The following SRRM4 variants were observed in gnomAD, a reference collection of about 807,000 sequenced individuals.
SRRM4 encodes the protein serine/arginine repetitive matrix 4.
SRRM4 carries 33 observed loss-of-function variants against 68.9 expected under a neutral mutation model. That is an observed-to-expected ratio of 0.48 (90% confidence interval 0.36 to 0.64). SRRM4 has a LOEUF of 0.64. SRRM4 is among the 30% of genes least tolerant of loss of function. SRRM4 has a pLI of 0.00. For missense variants in SRRM4, 817 were observed against 827.1 expected (o/e 0.99, Z 0.15); for synonymous variants, 318 against 318.8 (o/e 1.00, Z 0.03).
intron 9 of SRRM4, among the ~76,000 whole-genome samples, chr12:119,146,200 C>T (rs1954400441): frequency 6.6e-6 from 1 of 152,144 alleles, no homozygotes; most frequent in Non-Finnish European, 1.5e-5. Context: ...TCCCACACTC[C>T]TCTACAGGAA....
intron 4 of SRRM4, among the ~76,000 whole-genome samples, chr12:119,119,068 GTC>G (rs1954201350): frequency 5.1e-5 from 3 of 58,258 alleles, no homozygotes; most frequent in Admixed American, 3.4e-4. Context: ...TTTTTTTTTT[GTC>G]TCTCCTCAGT....
chr12:119,028,985 G>A (rs1953568769), intron 1 of SRRM4, among the ~76,000 whole-genome samples: 1 of 152,206 alleles, frequency 6.6e-6, no homozygotes. Context: ...AAAGGAGCAG[G>A]AAAATAGCAG....
At position 119,145,700 on chromosome 12, in the gene SRRM4, CAG is replaced by C; in HGVS notation, c.1076+16_1076+17del. 6.7e-7 allele frequency: 1 copy of C among 1,501,498 alleles called. No individual in the cohort carries two copies. The allele number at this position is 1,501,498 out of a possible 1,614,324, so 93.0% of individuals were successfully genotyped here. A position where few individuals can be genotyped will look rare whatever the true frequency, so the allele number is the denominator to read the frequency against. ...AGAGAGTCAAGGTCAGTGCACCACA[CAG>C]GGTCGGGGGTAGACGGTCTCCCACC... is the stretch of plus-strand genomic sequence containing the variant. On this transcript the variant is annotated intron_variant, in intron 9 of 12. Transcript: ENST00000267260.
chr12:119,135,714 T>G (rs1954323809), intron 8 of SRRM4, among the ~76,000 whole-genome samples: 1 of 152,170 alleles, frequency 6.6e-6, no homozygotes, highest in South Asian at 2.1e-4. Context: ...TCAATGGAGC[T>G]TCCATGAATA....
At chr12:119,028,580 C>T (rs560618944) in intron 1 of SRRM4, among the ~76,000 whole-genome samples, 1 of 152,154 alleles carries the variant, frequency 6.6e-6, no homozygotes, top group Non-Finnish European at 1.5e-5. Context: ...TTGTAAATTC[C>T]TCAGGCTCAG....
At chr12:119,020,525 T>C (rs148140311) in intron 1 of SRRM4, among the ~76,000 whole-genome samples, 10 of 152,236 alleles carry the variant, frequency 6.6e-5, no homozygotes, top group African/African-American at 2.2e-4. Context: ...ACTGTCTGGG[T>C]AGAATGATCC....
chr12:118,995,985 CTT>C (rs1953347106), intron 1 of SRRM4, among the ~76,000 whole-genome samples: 1 of 152,142 alleles, frequency 6.6e-6, no homozygotes. Context: ...CAACTATTTT[CTT>C]TTTTCTTTTC....
intron 1 of SRRM4, among the ~76,000 whole-genome samples, chr12:119,010,241 C>T (rs546847999): frequency 3.9e-5 from 6 of 152,300 alleles, no homozygotes; most frequent in East Asian, 3.9e-4. Flanking sequence ...TTAGTAGAGA[C>T]GGGGTTTCGC....
intron 10 of SRRM4, among the ~76,000 whole-genome samples, chr12:119,152,239 G>A (rs1954444742): frequency 1.3e-5 from 2 of 152,082 alleles, no homozygotes; most frequent in African/African-American, 4.8e-5. Context: ...TTATTTAGCT[G>A]GTCATCTCAA....
chr12:119,154,203 C>T lies in SRRM4; in HGVS notation c.1392-40C>T. On this transcript the variant is annotated intron_variant, in intron 11 of 12. Coordinates refer to ENST00000267260, the MANE Select transcript of SRRM4 (RefSeq NM_194286.4). The surrounding 1 kb of genome is among the most constrained non-coding windows in gnomAD (Gnocchi z 4.7). ...CCACGCGCTCACGCAGAAAATCCAG[C>T]CCAGCCCCAGCTCCCCAGTAACCCC... The T allele has an allele frequency of 6.4e-7, 1 of 1,557,374 alleles. No individual in the cohort carries two copies. Among genetic ancestry groups the T allele is most frequent in the Non-Finnish European group, 8.7e-7 (1 of 1,146,116 alleles).
Position 119,145,393 on chromosome 12 carries a change from G to C in SRRM4, c.784G>C (p.Gly262Arg), listed in dbSNP as rs769047933. ...TTTTTGCTTTCAGATCACTGGGTCGGGGTCTGCTGCTGACCTCTTTACCAA... is the reference window on the plus strand; with the variant it reads ...TTTTTGCTTTCAGATCACTGGGTCGCGGTCTGCTGCTGACCTCTTTACCAA... ...LSARGVITGS[G>R]SAADLFTKTA... Residue 262 changes from glycine (G) to arginine (R), a missense_variant, in exon 9 of 13, where the codon GGG becomes CGG. Transcript: ENST00000267260. 5 of 1,603,584 alleles carry C rather than the reference G, an allele frequency of 3.1e-6. No homozygotes were observed. The Admixed American group carries it at 8.5e-5, about 27-fold the overall frequency.
At chr12:118,987,924 C>T (rs927413352) in intron 1 of SRRM4, among the ~76,000 whole-genome samples, 13 of 152,210 alleles carry the variant, frequency 8.5e-5, no homozygotes, top group African/African-American at 3.1e-4. Flanking sequence ...AATAACTGTA[C>T]ATATTTGGGG....
chr12:119,093,575 A>G (rs1011999823), intron 1 of SRRM4, among the ~76,000 whole-genome samples: 2 of 152,150 alleles, frequency 1.3e-5, no homozygotes, highest in Non-Finnish European at 2.9e-5. Flanking sequence ...GAGAAATCCT[A>G]ACTGTGTCTG....
intron 1 of SRRM4, among the ~76,000 whole-genome samples, chr12:119,040,783 C>T (rs370184183): frequency 2.6e-5 from 4 of 152,250 alleles, no homozygotes; most frequent in South Asian, 4.1e-4. Context: ...GTCTCACTCA[C>T]TCTGTTGCCC....
chr12:119,153,782 G>GT (rs1437043753), intron 11 of SRRM4, 133 bp downstream of exon 11: 1 of 657,300 alleles, frequency 1.5e-6, no homozygotes, highest in African/African-American at 1.8e-5. Context: ...CATTCTTACA[G>GT]TTCCCTTTGT....
At chr12:119,138,920 A>G (rs1022189696) in intron 8 of SRRM4, among the ~76,000 whole-genome samples, 1 of 152,116 alleles carries the variant, frequency 6.6e-6, no homozygotes, top group Non-Finnish European at 1.5e-5. Context: ...CAAGGAAGAG[A>G]ACCCTGGTGT....
chr12:119,159,010 TGTGTGTGTTGGG>T lies in SRRM4; in HGVS notation c.*2214_*2225del. 7.8e-6 allele frequency: 1 copy of T among 128,016 alleles called. No homozygotes were observed. Among genetic ancestry groups the T allele is most frequent in the African/African-American group, 3.1e-5 (1 of 32,092 alleles). 7.9% of individuals were successfully genotyped at this position (128,016 alleles called of 1,614,324 possible). A position where few individuals can be genotyped will look rare whatever the true frequency, so the allele number is the denominator to read the frequency against. ...GTGTGTGTGTGTGTGTGTGTGTGTG[TGTGTGTGTTGGG>T]GGGATCTCCTAAATTATTTCTGTGC... On this transcript the variant is annotated 3_prime_UTR_variant, in exon 13 of 13. Transcript: ENST00000267260.
intron 1 of SRRM4, chr12:119,001,982 C>CAAAAAA (rs55674208): frequency 7.3e-5 from 10 of 136,604 alleles, no homozygotes; most frequent in Non-Finnish European, 4.6e-5. Flanking sequence ...AAACATGTCT[C>CAAAAAA]AAAAAAAAAA....
chr12:119,033,303 A>G, intron 1 of SRRM4, among the ~76,000 whole-genome samples: 1 of 152,320 alleles, frequency 6.6e-6, no homozygotes, highest in East Asian at 1.9e-4. Flanking sequence ...TATTTGCTGA[A>G]ATGTTTTAAA....
Sources: gnomAD v4.1 joint callset for allele counts (sites outside exome capture counted in the v4.1 genomes callset) on GRCh38, gnomAD v4.1.1 for gene constraint, Gnocchi (gnomAD v3.1) non-coding constraint, MANE v1.5 for transcripts, NCBI Gene and HGNC (gene_info 2026-07-23, HGNC 2026-07-21) for gene names.